Variants in NOX4 observed in about 807,000 individuals in gnomAD.
NOX4 encodes the protein NADPH oxidase 4, also known as kidney oxidase-1.
In NOX4, 69 loss-of-function variants were observed where a neutral mutation model predicts 87.6. That is an observed-to-expected ratio of 0.79 (90% confidence interval 0.65 to 0.96). The LOEUF is 0.96. NOX4 is among the 40% of genes least tolerant of loss of function. The probability of loss-of-function intolerance (pLI) is 0.00; values close to 1 mark genes in which losing one functional copy is unlikely to be tolerated. For missense variants in NOX4, 680 were observed against 681.5 expected (o/e 1.00, Z 0.02); for synonymous variants, 275 against 238.2 (o/e 1.15, Z -1.42).
At chr11:89,334,208 T>C (rs1945603214) in intron 17 of NOX4, among the ~76,000 whole-genome samples, 1 of 151,632 alleles carries the variant, frequency 6.6e-6, no homozygotes. Flanking sequence ...CTGCAATGCA[T>C]AGCAAGAGAC....
At chr11:89,417,518 G>A (rs1942850048) in intron 8 of NOX4, among the ~76,000 whole-genome samples, 1 of 152,028 alleles carries the variant, frequency 6.6e-6, no homozygotes, top group Admixed American at 6.6e-5. Flanking sequence ...AACCTTTATT[G>A]CTAAAAATCA....
chr11:89,565,566 C>A, the NOX4 span, among the ~76,000 whole-genome samples: 1 of 151,854 alleles, frequency 6.6e-6, no homozygotes, highest in Admixed American at 6.6e-5. Flanking sequence ...AATTTCTAAT[C>A]TCATTGGATA....
chr11:89,580,428 T>C, the NOX4 span, among the ~76,000 whole-genome samples: 1 of 152,118 alleles, frequency 6.6e-6, no homozygotes, highest in South Asian at 2.1e-4. Flanking sequence ...GTGATCCTCC[T>C]CCCTAGACTT....
chr11:89,508,578 A>G, the NOX4 span, among the ~76,000 whole-genome samples: 1 of 152,070 alleles, frequency 6.6e-6, no homozygotes, highest in Non-Finnish European at 1.5e-5. Flanking sequence ...AACTTTTCAT[A>G]TTTTTTGATA....
At chr11:89,427,336 G>A (rs377126799) in intron 7 of NOX4, among the ~76,000 whole-genome samples, 14 of 152,142 alleles carry the variant, frequency 9.2e-5, no homozygotes, top group African/African-American at 2.9e-4. Context: ...CCAAAGGAAC[G>A]CAGCTCCTCA....
intron 11 of NOX4, among the ~76,000 whole-genome samples, chr11:89,388,543 T>A: frequency 6.6e-6 from 1 of 152,174 alleles, no homozygotes. Flanking sequence ...ATAGTTCAAG[T>A]TCTGCCTTGC....
chr11:89,487,856 T>C (rs1377259722), intron 2 of NOX4, among the ~76,000 whole-genome samples: 2 of 152,176 alleles, frequency 1.3e-5, no homozygotes. Context: ...TGTTACTCTA[T>C]GAAATAATGC....
intron 11 of NOX4, among the ~76,000 whole-genome samples, chr11:89,383,088 G>T (rs931237689): frequency 2.6e-5 from 4 of 151,968 alleles, no homozygotes; most frequent in African/African-American, 9.7e-5. Flanking sequence ...CCCACAACAG[G>T]AATTAATCAA....
intron 2 of NOX4, among the ~76,000 whole-genome samples, chr11:89,483,078 A>G (rs1946457939): frequency 6.6e-6 from 1 of 152,098 alleles, no homozygotes; most frequent in African/African-American, 2.4e-5. Flanking sequence ...TTCCTAATCT[A>G]AGCTTCTTAA....
intron 17 of NOX4, among the ~76,000 whole-genome samples, chr11:89,331,721 G>A (rs1237282300): frequency 3.3e-5 from 5 of 151,308 alleles, no homozygotes; most frequent in East Asian, 1.9e-4. Flanking sequence ...ATAAAATCAA[G>A]TATTAATTAT....
At chr11:89,575,554 A>G in the NOX4 span, among the ~76,000 whole-genome samples, 2 of 152,212 alleles carry the variant, frequency 1.3e-5, no homozygotes, top group East Asian at 3.9e-4. Context: ...TTCATAGACT[A>G]TAATGGGCAA....
chr11:89,441,947 C>CTATATATATATA (rs5793404), intron 5 of NOX4, among the ~76,000 whole-genome samples: 8 of 137,998 alleles, frequency 5.8e-5, no homozygotes, highest in South Asian at 2.3e-4. Context: ...TATGTGTTGA[C>CTATATATATATA]TATATATATA....
At chr11:89,583,341 A>G in the NOX4 span, among the ~76,000 whole-genome samples, 1 of 152,176 alleles carries the variant, frequency 6.6e-6, no homozygotes, top group South Asian at 2.1e-4. Flanking sequence ...ATTAACTAAC[A>G]GACTGTCAGT....
chr11:89,561,872 G>C, the NOX4 span, among the ~76,000 whole-genome samples: 2 of 152,154 alleles, frequency 1.3e-5, no homozygotes, highest in Non-Finnish European at 2.9e-5. Flanking sequence ...GTGGGAAATT[G>C]AGCAGCGGCC....
At chr11:89,547,891 T>C in the NOX4 span, among the ~76,000 whole-genome samples, 1 of 152,058 alleles carries the variant, frequency 6.6e-6, no homozygotes, top group African/African-American at 2.4e-5. Flanking sequence ...ACTTTATGCA[T>C]AGACCCAATA....
At chr11:89,538,618 T>C in the NOX4 span, among the ~76,000 whole-genome samples, 62,910 of 151,966 alleles carry the variant, frequency 0.41, 13,856 homozygotes, top group African/African-American at 0.56. Flanking sequence ...CAGAATGATA[T>C]GGAAATGACC....
At chr11:89,540,526 G>A in the NOX4 span, among the ~76,000 whole-genome samples, 64 of 151,574 alleles carry the variant, frequency 4.2e-4, no homozygotes, top group South Asian at 8.6e-3. Context: ...AGTGGCTCAC[G>A]CCTGTAATCC....
At chr11:89,333,256 G>A (rs1253980353) in intron 17 of NOX4, among the ~76,000 whole-genome samples, 4 of 151,692 alleles carry the variant, frequency 2.6e-5, no homozygotes, top group East Asian at 1.9e-4. Context: ...AAGTTAGCTC[G>A]TTCTTCCTAG....
the NOX4 span, among the ~76,000 whole-genome samples, chr11:89,529,670 C>A: frequency 6.6e-6 from 1 of 152,308 alleles, no homozygotes; most frequent in South Asian, 2.1e-4. Flanking sequence ...TATCAACCAA[C>A]AATCACTTTT....
Sources: allele counts gnomAD v4.1 joint callset (sites outside exome capture counted in the v4.1 genomes callset), GRCh38; gene constraint gnomAD v4.1.1; transcripts MANE v1.5; gene names NCBI Gene and HGNC (gene_info 2026-07-23, HGNC 2026-07-21).